ZNF407: variants seen among roughly 807,000 people sequenced by gnomAD.
The protein encoded by ZNF407 is zinc finger protein 407.
A neutral mutation model predicts 131.2 loss-of-function variants in ZNF407; 17 were observed. The ratio of observed to expected loss-of-function variants is 0.13; its 90% CI spans 0.09 to 0.19. The LOEUF (loss-of-function observed/expected upper bound fraction) is 0.19, where lower values mean the gene tolerates loss of function less well. ZNF407 is among the 10% of genes least tolerant of loss of function. The pLI, the probability that ZNF407 is intolerant of heterozygous loss-of-function variation, is 1.00. For missense variants in ZNF407, 2,681 were observed against 2,830.6 expected (o/e 0.95, Z 1.20); for synonymous variants, 1,156 against 1,062.0 (o/e 1.09, Z -1.72).
At chr18:74,630,903 A>G in intron 1 of ZNF407, 64 bp from the exon 2 acceptor site, 1 of 1,236,936 alleles carries the variant, frequency 8.1e-7, no homozygotes, top group South Asian at 1.7e-5. Flanking sequence ...TTTTTCATCT[A>G]GTTTTAGACT....
At chr18:74,688,046 T>G (rs1046690206) in intron 3 of ZNF407, among the ~76,000 whole-genome samples, 9 of 152,134 alleles carry the variant, frequency 5.9e-5, no homozygotes, top group Non-Finnish European at 1.3e-4. Context: ...TAATAAAATG[T>G]TTTTTAAAAG....
chr18:74,610,553 T>C (rs1983011287), intron 1 of ZNF407, among the ~76,000 whole-genome samples: 1 of 152,156 alleles, frequency 6.6e-6, no homozygotes, highest in Non-Finnish European at 1.5e-5. Flanking sequence ...TTGGGACTTT[T>C]TTTTGTTTTA....
At chr18:74,620,734 C>T (rs924213106) in intron 1 of ZNF407, among the ~76,000 whole-genome samples, 1 of 152,150 alleles carries the variant, frequency 6.6e-6, no homozygotes, top group African/African-American at 2.4e-5. Flanking sequence ...GGGACTTGCT[C>T]AGGTCCACAT....
chr18:75,026,044 G>C (rs1973167023), intron 8 of ZNF407, among the ~76,000 whole-genome samples: 2 of 152,196 alleles, frequency 1.3e-5, no homozygotes, highest in African/African-American at 4.8e-5. Flanking sequence ...CTTGCAGGCA[G>C]CTTGGGCAAA....
intron 4 of ZNF407, among the ~76,000 whole-genome samples, chr18:74,831,443 A>C (rs528073104): frequency 6.6e-6 from 1 of 152,134 alleles, no homozygotes; most frequent in African/African-American, 2.4e-5. Context: ...CACCCTTTGC[A>C]TCTACCATTC....
chr18:75,055,341 C>G (rs1385794850), intron 8 of ZNF407, among the ~76,000 whole-genome samples: 1 of 152,122 alleles, frequency 6.6e-6, no homozygotes, highest in Non-Finnish European at 1.5e-5. Flanking sequence ...CATGGTTGTG[C>G]ACCACGATCT....
chr18:74,729,917 G>A (rs1440359361), intron 3 of ZNF407, among the ~76,000 whole-genome samples: 1 of 152,192 alleles, frequency 6.6e-6, no homozygotes, highest in Non-Finnish European at 1.5e-5. Context: ...TGGCAGTGAT[G>A]CATTATATAG....
chr18:74,785,927 C>T (rs1295763426), intron 4 of ZNF407, among the ~76,000 whole-genome samples: 2 of 151,872 alleles, frequency 1.3e-5, no homozygotes, highest in Middle Eastern at 3.4e-3. Context: ...ATGGCACACA[C>T]GATGTCACTC....
At chr18:74,629,818 A>T (rs1269885086) in intron 1 of ZNF407, among the ~76,000 whole-genome samples, 5 of 152,220 alleles carry the variant, frequency 3.3e-5, no homozygotes, top group Non-Finnish European at 7.3e-5. Context: ...GTAAATGGAA[A>T]ATGATATGTT....
At chr18:74,688,436 G>A (rs1428255341) in intron 3 of ZNF407, among the ~76,000 whole-genome samples, 1 of 152,188 alleles carries the variant, frequency 6.6e-6, no homozygotes, top group Non-Finnish European at 1.5e-5. Context: ...CAGTAACTTT[G>A]TTAATGAATT....
Position 74,694,445 on chromosome 18 carries a change from TC to T in ZNF407, c.4802+53324del, listed in dbSNP as rs144506068. Among the ~76,000 whole-genome samples, 217 of 148,958 alleles carry T rather than the reference TC, an allele frequency of 1.5e-3. 3 individuals carry two copies. The highest frequency in any genetic ancestry group is 1.7e-3 in the South Asian group (8 of 4,712). On this transcript the variant is annotated intron_variant, in intron 3 of 8. Coordinates refer to ENST00000299687, the MANE Select transcript of ZNF407 (RefSeq NM_017757.3). Reference sequence around the variant, plus strand: ...TATTAATTTTTTTTTCTTCTTTTTTTCTTTTTCCTGGCTCCAAGGAGTTTCA... The same window carrying T: ...TATTAATTTTTTTTTCTTCTTTTTTTTTTTTCCTGGCTCCAAGGAGTTTCA...
chr18:74,893,328 T>C (rs1258697029), intron 7 of ZNF407, among the ~76,000 whole-genome samples: 1 of 152,226 alleles, frequency 6.6e-6, no homozygotes, highest in Non-Finnish European at 1.5e-5. Flanking sequence ...AATCTTTATT[T>C]AAAACTTCGG....
chr18:74,951,991 G>A (rs901419444), intron 8 of ZNF407, among the ~76,000 whole-genome samples: 1 of 152,088 alleles, frequency 6.6e-6, no homozygotes, highest in Middle Eastern at 3.2e-3. Flanking sequence ...ACAAAGTAGT[G>A]ATCCCTGGCA....
intron 1 of ZNF407, among the ~76,000 whole-genome samples, chr18:74,620,317 T>C (rs972823855): frequency 6.6e-6 from 1 of 152,184 alleles, no homozygotes; most frequent in African/African-American, 2.4e-5. Flanking sequence ...TGATTTGTTG[T>C]TTTATAAAGC....
chr18:74,719,094 A>G (rs958914610), intron 3 of ZNF407, among the ~76,000 whole-genome samples: 1 of 152,172 alleles, frequency 6.6e-6, no homozygotes, highest in Non-Finnish European at 1.5e-5. Flanking sequence ...AGGGGACATT[A>G]ATGATGCTTG....
intron 3 of ZNF407, among the ~76,000 whole-genome samples, chr18:74,680,363 T>G (rs1966953238): frequency 6.6e-6 from 1 of 150,426 alleles, no homozygotes; most frequent in South Asian, 2.1e-4. Flanking sequence ...GAGCCATGAT[T>G]GCGCCACTGC....
At chr18:74,660,469 A>G (rs920212145) in intron 3 of ZNF407, among the ~76,000 whole-genome samples, 1 of 152,162 alleles carries the variant, frequency 6.6e-6, no homozygotes, top group African/African-American at 2.4e-5. Context: ...GTAATGTGAT[A>G]AACTAAACTG....
At chr18:75,013,700 G>A (rs977760973) in intron 8 of ZNF407, among the ~76,000 whole-genome samples, 1 of 152,108 alleles carries the variant, frequency 6.6e-6, no homozygotes, top group African/African-American at 2.4e-5. Context: ...CAGCCTGCTT[G>A]TGCCCGTGTT....
chr18:74,936,636 G>A (rs1237604870), intron 8 of ZNF407, among the ~76,000 whole-genome samples: 1 of 152,164 alleles, frequency 6.6e-6, no homozygotes, highest in African/African-American at 2.4e-5. Flanking sequence ...CCAGCCGCAG[G>A]TAGGATCTTT....
Sources: allele counts gnomAD v4.1 joint callset (sites outside exome capture counted in the v4.1 genomes callset), GRCh38; gene constraint gnomAD v4.1.1; transcripts MANE v1.5; gene names NCBI Gene and HGNC (gene_info 2026-07-23, HGNC 2026-07-21).